Variants in TIAM1 observed in about 807,000 individuals in gnomAD.
The protein encoded by TIAM1 is TIAM Rac1 associated GEF 1, also known as rho guanine nucleotide exchange factor TIAM1.
In TIAM1, 65 loss-of-function variants were observed where a neutral mutation model predicts 163.5. The ratio of observed to expected loss-of-function variants is 0.40; its 90% CI spans 0.33 to 0.49. The LOEUF (loss-of-function observed/expected upper bound fraction) is 0.49, where lower values mean the gene tolerates loss of function less well. TIAM1 is among the 20% of genes least tolerant of loss of function. The pLI is 0.77. For missense variants in TIAM1, 1,789 were observed against 2,044.7 expected (o/e 0.87, Z 2.41); for synonymous variants, 833 against 810.1 (o/e 1.03, Z -0.48).
Position 31,329,847 on chromosome 21 carries a change from AT to A in TIAM1, c.-189+9395del, listed in dbSNP as rs1415073195. On this transcript the variant is annotated intron_variant, in intron 2 of 27. Transcript: ENST00000541036. ...TAGAATGCAGTGCTGTGTCTCCTCA[AT>A]TTGGTTTGAATGTTGTTGCTGTTTC... Among the ~76,000 whole-genome samples the A allele has an allele frequency of 2.6e-5, 4 of 152,050 alleles. No homozygotes were observed. In the East Asian group the frequency reaches 7.7e-4, roughly 29 times the overall value.
At chr21:31,351,117 A>G (rs139637446) in intron 2 of TIAM1, among the ~76,000 whole-genome samples, 71 of 152,356 alleles carry the variant, frequency 4.7e-4, no homozygotes, top group African/African-American at 1.7e-3. Context: ...GTTACTTTCA[A>G]TCAGAGAATA....
At chr21:31,428,059 C>T (rs1177814388) in intron 2 of TIAM1, among the ~76,000 whole-genome samples, 1 of 151,978 alleles carries the variant, frequency 6.6e-6, no homozygotes, top group Non-Finnish European at 1.5e-5. Flanking sequence ...GTAAGAAGTT[C>T]GATACCAGCC....
intron 6 of TIAM1, among the ~76,000 whole-genome samples, chr21:31,226,594 T>C (rs891794446): frequency 1.3e-5 from 2 of 152,150 alleles, no homozygotes; most frequent in Non-Finnish European, 2.9e-5. Context: ...CACCCACCAA[T>C]GGTGACCTGC....
intron 1 of TIAM1, among the ~76,000 whole-genome samples, chr21:31,547,732 T>C (rs927209857): frequency 1.3e-5 from 2 of 152,256 alleles, no homozygotes; most frequent in Non-Finnish European, 2.9e-5. Context: ...TGGTAGACCA[T>C]GCACCACACT....
chr21:31,191,403 C>T (rs2085557145), intron 13 of TIAM1, among the ~76,000 whole-genome samples: 1 of 152,130 alleles, frequency 6.6e-6, no homozygotes, highest in Non-Finnish European at 1.5e-5. Context: ...ATCTGCCCAC[C>T]TCGGCCTCCC....
intron 2 of TIAM1, among the ~76,000 whole-genome samples, chr21:31,416,273 C>G (rs181559597): frequency 1.3e-5 from 2 of 152,132 alleles, no homozygotes; most frequent in Admixed American, 6.5e-5. Context: ...GGCTAGTCTT[C>G]GAAGCACCCT....
chr21:31,550,854 T>C (rs2048660285), intron 1 of TIAM1, among the ~76,000 whole-genome samples: 1 of 152,152 alleles, frequency 6.6e-6, no homozygotes, highest in South Asian at 2.1e-4. Context: ...GTCACTGTCA[T>C]TGGTTGATGT....
intron 6 of TIAM1, among the ~76,000 whole-genome samples, chr21:31,240,562 C>T (rs1193914209): frequency 6.6e-6 from 1 of 152,114 alleles, no homozygotes; most frequent in African/African-American, 2.4e-5. Flanking sequence ...TTCCCCAAAA[C>T]ACCTTTCTCA....
intron 1 of TIAM1, among the ~76,000 whole-genome samples, chr21:31,488,282 G>C (rs1251477001): frequency 1.3e-5 from 2 of 152,170 alleles, no homozygotes; most frequent in Admixed American, 1.3e-4. Context: ...TCACAGACTG[G>C]GAAACTGAGG....
At chr21:31,432,677 G>GA (rs1179742321) in intron 2 of TIAM1, among the ~76,000 whole-genome samples, 3 of 152,206 alleles carry the variant, frequency 2.0e-5, no homozygotes, top group Non-Finnish European at 4.4e-5. Context: ...ATTTTCCAGG[G>GA]AAACAGTAGA....
At chr21:31,312,077 A>G (rs1048490968) in intron 2 of TIAM1, among the ~76,000 whole-genome samples, 2 of 152,216 alleles carry the variant, frequency 1.3e-5, no homozygotes, top group African/African-American at 4.8e-5. Flanking sequence ...GCCTTCGGCC[A>G]CAGACTGAAG....
At chr21:31,314,400 A>AC (rs1265198790) in intron 2 of TIAM1, among the ~76,000 whole-genome samples, 1 of 152,188 alleles carries the variant, frequency 6.6e-6, no homozygotes, top group Non-Finnish European at 1.5e-5. Flanking sequence ...AAACTCTTTG[A>AC]CCCTACCTAT....
intron 2 of TIAM1, among the ~76,000 whole-genome samples, chr21:31,401,123 AT>A (rs1196502461): frequency 6.6e-6 from 1 of 152,168 alleles, no homozygotes; most frequent in Non-Finnish European, 1.5e-5. Flanking sequence ...GTGAGTCTGC[AT>A]TTTTTAAGTC....
At chr21:31,124,126 T>G (rs1455331147) in intron 27 of TIAM1, 1 of 168,690 alleles carries the variant, frequency 5.9e-6, no homozygotes, top group Non-Finnish European at 1.3e-5. Context: ...GTGACCTTGC[T>G]GAAATGTGAC....
intron 1 of TIAM1, among the ~76,000 whole-genome samples, chr21:31,555,590 T>G (rs555484173): frequency 1.3e-5 from 2 of 152,226 alleles, no homozygotes; most frequent in Admixed American, 1.3e-4. Context: ...ATTTTCTTCC[T>G]GGCTTCTCAC....
intron 2 of TIAM1, among the ~76,000 whole-genome samples, chr21:31,430,219 AAAAAAAATATATAT>A (rs2043957921): frequency 1.8e-5 from 2 of 110,976 alleles, no homozygotes; most frequent in African/African-American, 4.5e-5. Flanking sequence ...AGAAAAAAAA[AAAAAAAATATATAT>A]ATATATATAT....
At chr21:31,137,477 T>C (rs751705686) in intron 22 of TIAM1, among the ~76,000 whole-genome samples, 13 of 152,072 alleles carry the variant, frequency 8.5e-5, no homozygotes, top group Non-Finnish European at 1.5e-4. Context: ...CTCCACTACC[T>C]ATCCCCCGAA....
intron 1 of TIAM1, among the ~76,000 whole-genome samples, chr21:31,514,408 A>T (rs2047311760): frequency 6.6e-6 from 1 of 152,006 alleles, no homozygotes; most frequent in Non-Finnish European, 1.5e-5. Flanking sequence ...CTGGAAAGTT[A>T]AAAAAATCAT....
At chr21:31,250,313 C>T (rs555429070) in intron 5 of TIAM1, among the ~76,000 whole-genome samples, 2 of 152,284 alleles carry the variant, frequency 1.3e-5, no homozygotes, top group African/African-American at 2.4e-5. Flanking sequence ...AAAGTTCTGT[C>T]TTGCTTATGG....
Sources: allele counts gnomAD v4.1 joint callset (sites outside exome capture counted in the v4.1 genomes callset), GRCh38; gene constraint gnomAD v4.1.1; transcripts MANE v1.5; gene names NCBI Gene and HGNC (gene_info 2026-07-23, HGNC 2026-07-21).